Variants in HTR2C observed in about 807,000 individuals in gnomAD.
HTR2C encodes 5-hydroxytryptamine receptor 2C, also known as 5-hydroxytryptamine (serotonin) receptor 2C, G protein-coupled.
Under a neutral mutation model 21.0 loss-of-function variants are expected in HTR2C, and 5 were observed. The observed-to-expected ratio is 0.24, with a 90% confidence interval of 0.12 to 0.50. The LOEUF (loss-of-function observed/expected upper bound fraction) is 0.50, where lower values mean the gene tolerates loss of function less well. Ranked by LOEUF, HTR2C falls within the 20% of genes least tolerant of loss-of-function variation. The probability of loss-of-function intolerance (pLI) is 0.98; values close to 1 mark genes in which losing one functional copy is unlikely to be tolerated. For synonymous variants in HTR2C, 150 were observed against 145.3 expected, an observed-to-expected ratio of 1.03 and a Z score of -0.23; for missense variants, 271 against 371.2, an observed-to-expected ratio of 0.73 and a Z score of 2.22.
intron 5 of HTR2C, among the ~76,000 whole-genome samples, chrX:114,864,764 A>G (rs2071032162): frequency 9.0e-6 from 1 of 111,524 alleles, no homozygotes; most frequent in Non-Finnish European, 1.9e-5. Flanking sequence ...ATGGTAATAA[A>G]TTCCCTCAGC....
At chrX:114,830,852 C>A (rs1425100850) in intron 4 of HTR2C, among the ~76,000 whole-genome samples, 2 of 61,361 alleles carry the variant, frequency 3.3e-5, no homozygotes, top group Non-Finnish European at 6.0e-5. Context: ...CCCCCTCCCC[C>A]CCACCCCACA....
chrX:114,832,973 T>C, intron 4 of HTR2C, among the ~76,000 whole-genome samples: 1 of 77,951 alleles, frequency 1.3e-5, no homozygotes, highest in African/African-American at 4.4e-5. Context: ...GGTTTTTGTC[T>C]TTGGCTCTGT....
chrX:114,891,731 A>G (rs2071259910), intron 5 of HTR2C, among the ~76,000 whole-genome samples: 1 of 111,024 alleles, frequency 9.0e-6, no homozygotes, highest in African/African-American at 3.3e-5. Context: ...TTCATGCTGT[A>G]TGTCCTGATC....
At chrX:114,664,526 C>T (rs1477462630) in intron 2 of HTR2C, among the ~76,000 whole-genome samples, 2 of 111,987 alleles carry the variant, frequency 1.8e-5, no homozygotes, top group African/African-American at 6.5e-5. Context: ...AAGCTCCATC[C>T]ATGTCCCTGC....
chrX:114,898,123 A>C (rs781898112), intron 5 of HTR2C, among the ~76,000 whole-genome samples: 3 of 112,628 alleles, frequency 2.7e-5, no homozygotes, highest in Non-Finnish European at 5.6e-5. Context: ...ATGATATCTC[A>C]TTGTGGTTTT....
chrX:114,753,111 G>GT (rs2069777626), intron 4 of HTR2C, among the ~76,000 whole-genome samples: 5 of 35,192 alleles, frequency 1.4e-4, no homozygotes, highest in Admixed American at 5.8e-4. Flanking sequence ...ACTTCCCTGT[G>GT]GTTTTTTTTT....
chrX:114,617,577 T>G (rs1928998551), intron 2 of HTR2C, among the ~76,000 whole-genome samples: 2 of 112,690 alleles, frequency 1.8e-5, no homozygotes, highest in South Asian at 7.2e-4. Context: ...ACAAATATTT[T>G]AATTTCACAT....
intron 4 of HTR2C, among the ~76,000 whole-genome samples, chrX:114,767,991 T>C (rs2069963118): frequency 9.0e-6 from 1 of 110,716 alleles, no homozygotes; most frequent in South Asian, 3.7e-4. Flanking sequence ...ATAGTATAAT[T>C]TGTTTGGTTA....
intron 2 of HTR2C, among the ~76,000 whole-genome samples, chrX:114,623,236 TC>T (rs782488878): frequency 8.9e-6 from 1 of 112,123 alleles, no homozygotes; most frequent in South Asian, 3.7e-4. Context: ...TTATCCACAG[TC>T]CCCTGAGTCC....
chrX:114,707,223 C>T (rs1932790733), intron 2 of HTR2C, among the ~76,000 whole-genome samples: 1 of 110,376 alleles, frequency 9.1e-6, no homozygotes, highest in African/African-American at 3.3e-5. Flanking sequence ...ATAGGAACTT[C>T]TTAAAGGCAT....
chrX:114,902,220 C>T (rs1257356487), intron 5 of HTR2C, among the ~76,000 whole-genome samples: 1 of 111,582 alleles, frequency 9.0e-6, no homozygotes, highest in African/African-American at 3.3e-5. Flanking sequence ...ATGATAATAT[C>T]GCATGAATTA....
chrX:114,735,102 C>T (rs1298080906), intron 4 of HTR2C, among the ~76,000 whole-genome samples: 2 of 110,389 alleles, frequency 1.8e-5, no homozygotes, highest in Admixed American at 9.7e-5. Flanking sequence ...GTCAAGAGTT[C>T]GAGACCAGCC....
chrX:114,707,250 G>A (rs945552783), intron 2 of HTR2C, among the ~76,000 whole-genome samples: 2 of 110,568 alleles, frequency 1.8e-5, no homozygotes, highest in African/African-American at 6.6e-5. Context: ...TCAAAATATC[G>A]TTGCAGACAC....
At chrX:114,651,127 T>A (rs1930554719) in intron 2 of HTR2C, among the ~76,000 whole-genome samples, 1 of 112,115 alleles carries the variant, frequency 8.9e-6, no homozygotes, top group African/African-American at 3.2e-5. Context: ...AACTGACTTG[T>A]TCAAAGACAG....
chrX:114,717,754 T>G (rs1232816755), intron 2 of HTR2C: 1 of 111,548 alleles, frequency 9.0e-6, no homozygotes, highest in Non-Finnish European at 1.9e-5. Context: ...TGCAAGCTTC[T>G]ATCCTCTCCA....
intron 5 of HTR2C, among the ~76,000 whole-genome samples, chrX:114,860,355 T>C (rs2070997127): frequency 9.0e-6 from 1 of 111,113 alleles, no homozygotes; most frequent in Non-Finnish European, 1.9e-5. Flanking sequence ...TTTATAGTTA[T>C]GAAATATTCC....
In HTR2C at chrX:114,714,600, G is replaced by C. The variant is rs148035126; in HGVS notation, c.-79-12258G>C. ...AAACAAAAGGCTTTGTCAGGTGAAT[G>C]CTATGTTTTATATTTAATTAGCAAT... On this transcript the variant is annotated intron_variant, in intron 2 of 5. Coordinates refer to ENST00000276198, the MANE Select transcript of HTR2C (RefSeq NM_000868.4). Among the ~76,000 whole-genome samples the C allele has an allele frequency of 6.1e-3, 690 of 112,220 alleles. 5 individuals carry two copies. The highest frequency in any genetic ancestry group is 0.021 in the African/African-American group (653 of 31,008).
At chrX:114,712,859 A>G (rs1241191409) in intron 2 of HTR2C, among the ~76,000 whole-genome samples, 2 of 112,297 alleles carry the variant, frequency 1.8e-5, no homozygotes, top group Non-Finnish European at 3.8e-5. Context: ...ACCATTTTAT[A>G]TGATCAAGAA....
At chrX:114,647,774 G>C (rs1247593619) in intron 2 of HTR2C, among the ~76,000 whole-genome samples, 3 of 112,139 alleles carry the variant, frequency 2.7e-5, no homozygotes, top group Non-Finnish European at 5.6e-5. Flanking sequence ...TATCTAGCAG[G>C]ACTCTGTGTA....
Sources: gnomAD v4.1 joint callset for allele counts (sites outside exome capture counted in the v4.1 genomes callset) on GRCh38, gnomAD v4.1.1 for gene constraint, MANE v1.5 for transcripts, NCBI Gene and HGNC (gene_info 2026-07-23, HGNC 2026-07-21) for gene names.